Variants in KCNT2 observed in about 807,000 individuals in gnomAD.
The protein encoded by KCNT2 is potassium sodium-activated channel subfamily T member 2.
In KCNT2, 67 loss-of-function variants were observed where a neutral mutation model predicts 153.8. The observed-to-expected ratio is 0.44, with a 90% CI of 0.36 to 0.53. KCNT2 has a LOEUF of 0.53. Among genes scored for constraint, KCNT2 ranks in the 20% least tolerant of loss-of-function variants. The probability of loss-of-function intolerance (pLI) is 0.00; values close to 1 mark genes in which losing one functional copy is unlikely to be tolerated. For synonymous variants in KCNT2, 500 were observed against 458.8 expected (o/e 1.09, Z -1.15); for missense variants, 975 against 1,354.8 (o/e 0.72, Z 4.40).
rs1664762892 is a variant in KCNT2, at chr1:196,334,155, TAA to T, written c.1784-97_1784-96del. On this transcript the variant is annotated intron_variant, in intron 16 of 27. Transcript: ENST00000294725. ...GAAATATGAAATATAATAAACACAA[TAA>T]ATATATATATAGAGAGAGTATATAT... The T allele has an allele frequency of 4.3e-6, 3 of 693,784 alleles. No homozygotes were observed. In the East Asian group the frequency reaches 8.1e-5, roughly 19 times the overall value. 43.0% of individuals were successfully genotyped at this position (693,784 alleles called of 1,614,324 possible).
intron 1 of KCNT2, among the ~76,000 whole-genome samples, chr1:196,600,905 C>G (rs1267315926): frequency 6.6e-6 from 1 of 152,176 alleles, no homozygotes; most frequent in African/African-American, 2.4e-5. Flanking sequence ...TCACTTGTAT[C>G]CTACCATCTA....
intron 21 of KCNT2, among the ~76,000 whole-genome samples, chr1:196,313,352 G>A (rs891154146): frequency 1.3e-5 from 2 of 151,648 alleles, no homozygotes; most frequent in Non-Finnish European, 3.0e-5. Context: ...CTATGACCAT[G>A]AGAATGGGTG....
chr1:196,376,968 T>C (rs1669018592), intron 13 of KCNT2, among the ~76,000 whole-genome samples: 1 of 151,724 alleles, frequency 6.6e-6, no homozygotes, highest in Admixed American at 6.6e-5. Context: ...CAGTGAAGAT[T>C]TGGTAGGGAC....
chr1:196,530,716 A>C (rs1442489596), intron 1 of KCNT2, among the ~76,000 whole-genome samples: 2 of 152,140 alleles, frequency 1.3e-5, no homozygotes, highest in African/African-American at 4.8e-5. Context: ...ATATAAATAC[A>C]GTGCTAACAA....
intron 23 of KCNT2, among the ~76,000 whole-genome samples, chr1:196,284,248 A>AAAAAAAAAAAAAAAAAAAAT: frequency 1.0e-4 from 1 of 10,042 alleles, no homozygotes; most frequent in African/African-American, 1.4e-4. Flanking sequence ...AAAAAAAAAA[A>AAAAAAAAAAAAAAAAAAAAT]ATATATATAT....
At chr1:196,480,460 A>G (rs745793866) in intron 4 of KCNT2, among the ~76,000 whole-genome samples, 1 of 152,200 alleles carries the variant, frequency 6.6e-6, no homozygotes, top group Non-Finnish European at 1.5e-5. Context: ...CATTTTCTCC[A>G]TAAATCCTCT....
chr1:196,584,216 A>G (rs1334634806), intron 1 of KCNT2, among the ~76,000 whole-genome samples: 1 of 70,786 alleles, frequency 1.4e-5, no homozygotes, highest in Non-Finnish European at 3.9e-5. Flanking sequence ...TCCCGCCCAA[A>G]CCCTCCATAA....
chr1:196,349,128 C>T (rs1666398533), intron 14 of KCNT2, among the ~76,000 whole-genome samples: 3 of 151,892 alleles, frequency 2.0e-5, no homozygotes, highest in Admixed American at 2.0e-4. Context: ...TTTTTATGCC[C>T]TCAACAAATG....
chr1:196,376,749 G>A (rs1176360804), intron 13 of KCNT2, among the ~76,000 whole-genome samples: 6 of 151,948 alleles, frequency 3.9e-5, no homozygotes, highest in Non-Finnish European at 7.4e-5. Flanking sequence ...AGAAGGAGGA[G>A]AAATGAAATA....
chr1:196,535,392 A>G (rs1349471208), intron 1 of KCNT2, among the ~76,000 whole-genome samples: 1 of 152,238 alleles, frequency 6.6e-6, no homozygotes, highest in Non-Finnish European at 1.5e-5. Flanking sequence ...ACACATTGGA[A>G]ATTGGAGAGC....
At chr1:196,329,165 T>C (rs140410587) in intron 18 of KCNT2, among the ~76,000 whole-genome samples, 41 of 152,162 alleles carry the variant, frequency 2.7e-4, no homozygotes, top group African/African-American at 4.6e-4. Context: ...ACAGAATAAA[T>C]TGGATAAGGC....
chr1:196,400,352 GT>G, intron 12 of KCNT2, among the ~76,000 whole-genome samples: 1 of 151,812 alleles, frequency 6.6e-6, no homozygotes, highest in African/African-American at 2.4e-5. Context: ...ATTTCATTAT[GT>G]TTAGTGTTGT....
At chr1:196,244,885 G>T (rs950055990) in intron 26 of KCNT2, among the ~76,000 whole-genome samples, 3 of 152,146 alleles carry the variant, frequency 2.0e-5, no homozygotes, top group Admixed American at 6.5e-5. Flanking sequence ...GTTACCACAA[G>T]CCTTGGGCAA....
chr1:196,253,271 A>G lies in KCNT2; in HGVS notation c.3211+4923T>C, dbSNP rs564359228. Among the ~76,000 whole-genome samples, 4 of 151,092 alleles carry G rather than the reference A, an allele frequency of 2.6e-5. No homozygotes were observed. The South Asian group carries it at 8.3e-4, about 31-fold the overall frequency. ...TTTTCCCTCCTTCTCTCTATACTGT[A>G]TTTCGGATAGTCTATTGCTATGGCT... is the stretch of plus-strand genomic sequence containing the variant. On this transcript the variant is annotated intron_variant, in intron 26 of 27. Transcript: ENST00000294725.
intron 13 of KCNT2, among the ~76,000 whole-genome samples, chr1:196,376,487 A>G (rs1484307418): frequency 2.0e-5 from 3 of 151,876 alleles, no homozygotes; most frequent in Admixed American, 6.6e-5. Context: ...GTGTTTTACC[A>G]CCAAGACTAC....
rs572801423 is a variant in KCNT2 at position 196,460,693 on chromosome 1, C to T, written c.638+4600G>A. On this transcript the variant is annotated intron_variant, in intron 8 of 27. Transcript: ENST00000294725. The stretch of plus-strand genomic sequence containing the variant: ...ACTACAAGAAAGTGTCATAGAGAAG[C>T]TACAATCAAAAAGTTGAGACTTGAA... 7.9e-5 allele frequency among the ~76,000 whole-genome samples: 12 copies of T among 151,666 alleles called. No homozygotes were observed. The South Asian group carries it at 2.5e-3, about 31-fold the overall frequency.
chr1:196,309,645 C>T (rs1224911386), intron 21 of KCNT2, among the ~76,000 whole-genome samples: 1 of 151,690 alleles, frequency 6.6e-6, no homozygotes, highest in Non-Finnish European at 1.5e-5. Flanking sequence ...ATGTTAACCC[C>T]CTTTATATCC....
chr1:196,507,030 T>G (rs1263971678), intron 1 of KCNT2, among the ~76,000 whole-genome samples: 2 of 152,050 alleles, frequency 1.3e-5, no homozygotes, highest in Non-Finnish European at 2.9e-5. Flanking sequence ...AAAAAAGAGA[T>G]GAGTAAATAA....
intron 1 of KCNT2, among the ~76,000 whole-genome samples, chr1:196,518,268 T>A (rs990555552): frequency 6.6e-6 from 1 of 151,996 alleles, no homozygotes; most frequent in African/African-American, 2.4e-5. Flanking sequence ...AAAGAAGCAC[T>A]AAATTTGGAA....
Sources: allele counts gnomAD v4.1 joint callset (sites outside exome capture counted in the v4.1 genomes callset), GRCh38; gene constraint gnomAD v4.1.1; transcripts MANE v1.5; gene names NCBI Gene and HGNC (gene_info 2026-07-23, HGNC 2026-07-21).